Variants in FANK1 observed in about 807,000 individuals in gnomAD.
FANK1 encodes the protein fibronectin type III and ankyrin repeat domains 1, also known as fibronectin type 3 and ankyrin repeat domains protein 1.
In FANK1, 44 loss-of-function variants were observed where a neutral mutation model predicts 45.3. That is an observed-to-expected ratio of 0.97 (90% CI 0.76 to 1.25). The LOEUF is 1.25. FANK1 is among the 50% of genes most tolerant of loss of function. FANK1 has a pLI of 0.00. For synonymous variants in FANK1, 149 were observed against 152.5 expected (o/e 0.98, Z 0.17); for missense variants, 391 against 424.4 (o/e 0.92, Z 0.69).
intron 1 of FANK1, among the ~76,000 whole-genome samples, chr10:125,977,440 T>C (rs1950922668): frequency 1.3e-5 from 2 of 152,152 alleles, no homozygotes; most frequent in African/African-American, 2.4e-5. Flanking sequence ...GACTCTTGTT[T>C]GGTTGCGTGG....
At chr10:125,902,607 A>G (rs1366349975) in intron 1 of FANK1, among the ~76,000 whole-genome samples, 1 of 152,266 alleles carries the variant, frequency 6.6e-6, no homozygotes, top group Non-Finnish European at 1.5e-5. Context: ...TCGATTACAA[A>G]TATGGTGTCC....
intron 2 of FANK1, among the ~76,000 whole-genome samples, chr10:125,987,913 G>A (rs1025681182): frequency 6.6e-6 from 1 of 152,210 alleles, no homozygotes; most frequent in African/African-American, 2.4e-5. Context: ...CTCTGGAGGT[G>A]TGTGGATTTC....
intron 7 of FANK1, among the ~76,000 whole-genome samples, chr10:126,005,400 C>G (rs192500948): frequency 6.6e-6 from 1 of 151,676 alleles, no homozygotes; most frequent in East Asian, 1.9e-4. Context: ...CTCCGCCTCC[C>G]AGGTTCAAGC....
At chr10:125,903,099 C>T (rs796338860) in intron 1 of FANK1, among the ~76,000 whole-genome samples, 1 of 151,108 alleles carries the variant, frequency 6.6e-6, no homozygotes, top group Non-Finnish European at 1.5e-5. Flanking sequence ...GTGTCTTTCC[C>T]CAAGCTCAGG....
chr10:125,945,890 G>A (rs560222992), intron 1 of FANK1, among the ~76,000 whole-genome samples: 64 of 152,298 alleles, frequency 4.2e-4, no homozygotes, highest in African/African-American at 1.1e-3. Context: ...CTCCCAGCAC[G>A]CAGCTGGAGA....
At chr10:125,942,410 T>C (rs1948507452) in intron 1 of FANK1, among the ~76,000 whole-genome samples, 1 of 152,248 alleles carries the variant, frequency 6.6e-6, no homozygotes, top group African/African-American at 2.4e-5. Context: ...TATAAAGATG[T>C]CAATTCTCCC....
At chr10:125,914,578 A>C (rs1016495253) in intron 1 of FANK1, among the ~76,000 whole-genome samples, 4 of 152,216 alleles carry the variant, frequency 2.6e-5, no homozygotes, top group African/African-American at 7.2e-5. Flanking sequence ...AAGAGGAAAA[A>C]CTAAACATTC....
At chr10:125,927,929 G>C (rs376612961) in intron 1 of FANK1, among the ~76,000 whole-genome samples, 1 of 152,106 alleles carries the variant, frequency 6.6e-6, no homozygotes, top group Non-Finnish European at 1.5e-5. Context: ...GCTTTATAGA[G>C]TGTACGTACA....
At chr10:125,930,140 C>T (rs1034204621) in intron 1 of FANK1, among the ~76,000 whole-genome samples, 5 of 150,408 alleles carry the variant, frequency 3.3e-5, no homozygotes, top group African/African-American at 7.4e-5. Flanking sequence ...CTGCAACCTC[C>T]GCCTCCTGGG....
At position 125,987,903 on chromosome 10, in the gene FANK1, C is replaced by T. The variant is rs145855312; in HGVS notation, c.192-648C>T. ...AATGATGAGACTCAGTACTACTTCC[C>T]TCTGGAGGTGTGTGGATTTCCATCG... On this transcript the variant is annotated intron_variant, in intron 2 of 10. Transcript: ENST00000368693. Among the ~76,000 whole-genome samples the T allele has an allele frequency of 3.3e-3, 506 of 152,332 alleles. 3 individuals carry two copies. The highest frequency in any genetic ancestry group is 0.011 in the African/African-American group (467 of 41,580).
chr10:125,972,749 T>C (rs1252564095), intron 1 of FANK1: 1 of 143,088 alleles, frequency 7.0e-6, no homozygotes, highest in Non-Finnish European at 1.5e-5. Context: ...TTGGCATTTC[T>C]GAGCAACGTG....
intron 6 of FANK1, among the ~76,000 whole-genome samples, chr10:126,000,580 A>T (rs1353237392): frequency 6.6e-6 from 1 of 152,190 alleles, no homozygotes; most frequent in East Asian, 1.9e-4. Context: ...TTCCAGATGA[A>T]TTAAGAATTA....
At chr10:125,941,459 A>G (rs1173476971) in intron 1 of FANK1, among the ~76,000 whole-genome samples, 13 of 152,252 alleles carry the variant, frequency 8.5e-5, no homozygotes, top group Admixed American at 8.5e-4. Flanking sequence ...GGGAAAGTGG[A>G]AATTAGTATA....
At chr10:125,954,018 C>A (rs948622217) in intron 1 of FANK1, among the ~76,000 whole-genome samples, 1 of 152,214 alleles carries the variant, frequency 6.6e-6, no homozygotes, top group African/African-American at 2.4e-5. Flanking sequence ...GCACACCGAA[C>A]GAAGGAGGGA....
chr10:125,897,871 A>G (rs933876701), intron 1 of FANK1, among the ~76,000 whole-genome samples: 70 of 151,892 alleles, frequency 4.6e-4, no homozygotes, highest in Non-Finnish European at 9.1e-4. Flanking sequence ...AAAAACAGCA[A>G]CTTGGCCTGG....
rs1951322331 is a variant in FANK1, at chr10:125,983,016, T to C, written c.191+2678T>C. ...GGTGGGTCCTCCATTGCTTAAAGGA[T>C]AAAGGCCAAATTCCTTAGACTAACA... On this transcript the variant is annotated intron_variant, in intron 2 of 10. Coordinates refer to ENST00000368693, the MANE Select transcript of FANK1 (RefSeq NM_145235.5). The surrounding 1 kb of genome is among the most constrained non-coding windows in gnomAD (Gnocchi z 4.3). Among the ~76,000 whole-genome samples, 1 of 152,088 alleles carries C rather than the reference T, an allele frequency of 6.6e-6. No individual in the cohort carries two copies. The highest frequency in any genetic ancestry group is 1.5e-5 in the Non-Finnish European group (1 of 68,020).
intron 1 of FANK1, among the ~76,000 whole-genome samples, chr10:125,934,892 G>A (rs1446232892): frequency 6.6e-6 from 1 of 152,010 alleles, no homozygotes; most frequent in Non-Finnish European, 1.5e-5. Context: ...CTGCTGCTCG[G>A]GAGCAGCTGG....
At chr10:125,942,534 G>A (rs1207433490) in intron 1 of FANK1, among the ~76,000 whole-genome samples, 2 of 151,900 alleles carry the variant, frequency 1.3e-5, no homozygotes, top group South Asian at 2.1e-4. Flanking sequence ...ATTTTTTAAC[G>A]AAAAGAATAC....
intron 1 of FANK1, chr10:125,973,285 G>T (rs1950634198): frequency 4.7e-6 from 1 of 211,926 alleles, no homozygotes; most frequent in African/African-American, 2.4e-5. Context: ...TTCTAGGCTG[G>T]ATGTCTTTGG....
Sources: allele counts gnomAD v4.1 joint callset (sites outside exome capture counted in the v4.1 genomes callset), GRCh38; gene constraint gnomAD v4.1.1; non-coding constraint Gnocchi (gnomAD v3.1); transcripts MANE v1.5; gene names NCBI Gene and HGNC (gene_info 2026-07-23, HGNC 2026-07-21).